Variants in C9 observed in about 807,000 individuals in gnomAD.
C9 encodes complement C9.
Under a neutral mutation model 65.4 loss-of-function variants are expected in C9, and 63 were observed. The observed-to-expected ratio is 0.96, with a 90% CI of 0.79 to 1.19. The LOEUF (loss-of-function observed/expected upper bound fraction) is 1.19, where lower values mean the gene tolerates loss of function less well. C9 is among the 50% of genes most tolerant of loss of function. C9 has a pLI of 0.00. For synonymous variants in C9, 229 were observed against 227.9 expected (o/e 1.00, Z -0.04); for missense variants, 744 against 670.1 (o/e 1.11, Z -1.22).
rs771406248 is a variant in C9 at position 39,285,208 on chromosome 5, A to T, written c.1671T>A (p.Asn557Lys). 2 of 1,612,906 alleles carry T rather than the reference A, an allele frequency of 1.2e-6. No individual in the cohort carries two copies. The highest frequency in any genetic ancestry group is 1.1e-5 in the South Asian group (1 of 91,054). ...AGAGAAGCCAACAGCTCTATTTTTCATTGGGGAACTCTAGGGCTGGCAATC... is the reference window on the plus strand; with the variant it reads ...AGAGAAGCCAACAGCTCTATTTTTCTTTGGGGAACTCTAGGGCTGGCAATC... ...SEGLPALEFP[N>K]EK is the part of the protein sequence containing the mutation. The change falls in exon 11 of 11, where the codon AAT (asparagine) becomes AAA (lysine). Residue 557 changes from asparagine (N) to lysine (K), a missense_variant. Asn to Lys is a moderately conservative substitution (Grantham distance 94). Coordinates refer to ENST00000263408, the MANE Select transcript of C9 (RefSeq NM_001737.5).
chr5:39,361,063 G>T (rs1421504475), intron 1 of C9, among the ~76,000 whole-genome samples: 3 of 151,620 alleles, frequency 2.0e-5, no homozygotes, highest in Admixed American at 6.6e-5. Context: ...CAATGAGGAA[G>T]TTCCCACATA....
In C9 at chr5:39,310,825, ACTTT is replaced by A. The variant is rs1579849882; in HGVS notation, c.1111+308_1111+311del. On this transcript the variant is annotated intron_variant, in intron 7 of 10. Transcript: ENST00000263408. ...AGTAGGTTATACAAATTATGTCTGT[ACTTT>A]CTTTCACCTTTTGTTTAGTATTTCA... Among the ~76,000 whole-genome samples the A allele has an allele frequency of 2.0e-5, 3 of 152,312 alleles. No homozygotes were observed. The East Asian group carries it at 5.8e-4, about 29-fold the overall frequency.
chr5:39,291,179 A>G (rs1330509283), intron 9 of C9, among the ~76,000 whole-genome samples: 1 of 151,908 alleles, frequency 6.6e-6, no homozygotes, highest in Non-Finnish European at 1.5e-5. Context: ...CAGACTTTAA[A>G]CCAACTGTTT....
chr5:39,348,178 A>C (rs2111968825), intron 1 of C9, among the ~76,000 whole-genome samples: 1 of 152,288 alleles, frequency 6.6e-6, no homozygotes, highest in Middle Eastern at 3.4e-3. Flanking sequence ...ATGGGATCTA[A>C]TTAAACTAAA....
chr5:39,339,021 A>G (rs1457340856), intron 4 of C9, among the ~76,000 whole-genome samples: 3 of 152,238 alleles, frequency 2.0e-5, no homozygotes, highest in Non-Finnish European at 4.4e-5. Flanking sequence ...TTAAAAAGAA[A>G]GTTGTTTCTT....
intron 1 of C9, among the ~76,000 whole-genome samples, chr5:39,346,129 A>G (rs1405376701): frequency 6.6e-6 from 1 of 152,224 alleles, no homozygotes; most frequent in Non-Finnish European, 1.5e-5. Context: ...GCAAGAGCAA[A>G]CACATTCAAA....
Position 39,306,658 on chromosome 5 carries a change from C to T in C9, c.1375G>A (p.Ala459Thr). The stretch of plus-strand genomic sequence containing the variant: ...ACAGGAGCATCATTTATGGAAGAGG[C>T]CCAGTTGACAAAGTCAGTCACATCA... Reference protein sequence around the residue: ...VIDVTDFVNWASSINDAPVLI... With the variant: ...VIDVTDFVNWTSSINDAPVLI... The change falls in exon 9 of 11, where the codon GCC becomes ACC. Residue 459 changes from alanine (A) to threonine (T), a missense_variant. Coordinates refer to ENST00000263408, the MANE Select transcript of C9 (RefSeq NM_001737.5). 5 of 1,613,664 alleles carry T rather than the reference C, an allele frequency of 3.1e-6. No homozygotes were observed. Among genetic ancestry groups the T allele is most frequent in the Non-Finnish European group, 3.4e-6 (4 of 1,179,678 alleles).
At chr5:39,358,815 C>G (rs570766332) in intron 1 of C9, among the ~76,000 whole-genome samples, 1 of 151,320 alleles carries the variant, frequency 6.6e-6, no homozygotes, top group African/African-American at 2.4e-5. Context: ...GAAACCCTGT[C>G]TCTACTAAAA....
intron 5 of C9, among the ~76,000 whole-genome samples, chr5:39,321,893 T>C (rs1561342818): frequency 6.6e-6 from 1 of 152,136 alleles, no homozygotes; most frequent in Middle Eastern, 3.4e-3. Context: ...CAAACTGCAA[T>C]AAAATAGTAG....
At chr5:39,352,414 G>C (rs1023992300) in intron 1 of C9, among the ~76,000 whole-genome samples, 1 of 152,174 alleles carries the variant, frequency 6.6e-6, no homozygotes, top group Admixed American at 6.5e-5. Context: ...ATGACTTACT[G>C]AACTCAATGC....
intron 4 of C9, 98 bp downstream of exon 4, chr5:39,341,048 G>A (rs972981701): frequency 1.2e-5 from 16 of 1,310,362 alleles, no homozygotes; most frequent in Admixed American, 1.7e-5. Flanking sequence ...TATCACCTAT[G>A]TCCCTCGCAC....
Position 39,322,677 on chromosome 5 carries a change from A to G in C9, c.616-6648T>C, listed in dbSNP as rs539266173. ...ATTACTGTTGGCTCTTCATATCTGC[A>G]GGTTTTGCATCCGTGGATTCAACCA... On this transcript the variant is annotated intron_variant, in intron 5 of 10. Coordinates refer to ENST00000263408, the MANE Select transcript of C9 (RefSeq NM_001737.5). Among the ~76,000 whole-genome samples the G allele has an allele frequency of 1.4e-4, 21 of 152,252 alleles. No individual in the cohort carries two copies. In the South Asian group the frequency reaches 1.4e-3, roughly 11 times the overall value.
intron 1 of C9, among the ~76,000 whole-genome samples, chr5:39,343,411 C>G (rs116260931): frequency 6.6e-6 from 1 of 152,208 alleles, no homozygotes; most frequent in African/African-American, 2.4e-5. Flanking sequence ...GTCCCAGGCC[C>G]ATGGAGACTT....
At chr5:39,339,649 C>T (rs905296552) in intron 4 of C9, among the ~76,000 whole-genome samples, 2 of 128,132 alleles carry the variant, frequency 1.6e-5, no homozygotes, top group Admixed American at 9.1e-5. Context: ...TGTCTTTTCT[C>T]TCTTTTTTTT....
chr5:39,309,122 A>C (rs1249762371), intron 7 of C9, among the ~76,000 whole-genome samples: 3 of 152,118 alleles, frequency 2.0e-5, no homozygotes, highest in Non-Finnish European at 4.4e-5. Context: ...AAAAATCCTA[A>C]TATTTTCAAA....
intron 1 of C9, among the ~76,000 whole-genome samples, chr5:39,357,966 A>G (rs1369186406): frequency 1.3e-5 from 2 of 151,954 alleles, no homozygotes; most frequent in Admixed American, 1.3e-4. Context: ...TGGGGTGGAG[A>G]GAGAGAGAGA....
rs762630857 is a variant in C9 at position 39,284,816 on chromosome 5, G to A, written c.*383C>T. On this transcript the variant is annotated 3_prime_UTR_variant, in exon 11 of 11. Transcript: ENST00000263408. ...AAGAGTTAAATTGCATGGTACAGAC[G>A]TGTGGTCATGGACCTGGCAGAATAT... The A allele has an allele frequency of 3.9e-5, 10 of 257,972 alleles. No individual in the cohort carries two copies. The highest frequency in any genetic ancestry group is 1.5e-4 in the South Asian group (3 of 19,378). 16.0% of individuals were successfully genotyped at this position (257,972 alleles called of 1,614,324 possible).
rs1219959278 is a variant in C9 at position 39,292,901 on chromosome 5, T to TG, written c.1417-3951_1417-3950insC. Among the ~76,000 whole-genome samples, 149 of 151,320 alleles carry TG rather than the reference T, an allele frequency of 9.8e-4. 3 individuals are homozygous for TG. Among genetic ancestry groups the TG allele is most frequent in the African/African-American group, 3.4e-3 (141 of 41,408 alleles). On this transcript the variant is annotated intron_variant, in intron 9 of 10. Coordinates refer to ENST00000263408, the MANE Select transcript of C9 (RefSeq NM_001737.5). ...TATTTTTTAAAAGAGACATGAGTAA[T>TG]ATATCAATACTGGAAATAAAATGGA...
intron 5 of C9, among the ~76,000 whole-genome samples, chr5:39,317,248 A>T (rs1412847721): frequency 1.3e-5 from 2 of 151,328 alleles, no homozygotes; most frequent in African/African-American, 4.9e-5. Flanking sequence ...TGGATATTGG[A>T]TCTTTGTCAG....
Sources: allele counts gnomAD v4.1 joint callset (sites outside exome capture counted in the v4.1 genomes callset), GRCh38; gene constraint gnomAD v4.1.1; transcripts MANE v1.5; gene names NCBI Gene and HGNC (gene_info 2026-07-23, HGNC 2026-07-21).